ARMCX4: variants seen among roughly 807,000 people sequenced by gnomAD.
ARMCX4 encodes the protein armadillo repeat-containing X-linked protein 4.
ARMCX4 carries 3 observed loss-of-function variants against 34.7 expected under a neutral mutation model. That is an observed-to-expected ratio of 0.09 (90% confidence interval 0.04 to 0.22). ARMCX4 has a LOEUF of 0.22. Among genes scored for constraint, ARMCX4 ranks in the 10% least tolerant of loss-of-function variants. The probability of loss-of-function intolerance (pLI) is 1.00; values close to 1 mark genes in which losing one functional copy is unlikely to be tolerated. For synonymous variants in ARMCX4, 513 were observed against 632.8 expected (o/e 0.81, Z 2.84); for missense variants, 1,448 against 1,720.8 (o/e 0.84, Z 2.81).
intron 7 of ARMCX4, among the ~76,000 whole-genome samples, chrX:101,502,505 G>A (rs1934323758): frequency 2.7e-5 from 3 of 111,725 alleles, no homozygotes; most frequent in African/African-American, 9.7e-5. Flanking sequence ...CTCCCAAAGT[G>A]CTGGGATTAG....
chrX:101,430,205 A>G (rs1929906673), intron 2 of ARMCX4, among the ~76,000 whole-genome samples: 1 of 112,607 alleles, frequency 8.9e-6, no homozygotes, highest in African/African-American at 3.2e-5. Flanking sequence ...AATGTCAACC[A>G]TAACACAGAT....
chrX:101,512,634 G>A (rs782759666), intron 11 of ARMCX4, among the ~76,000 whole-genome samples: 1 of 108,608 alleles, frequency 9.2e-6, no homozygotes, highest in Non-Finnish European at 1.9e-5. Flanking sequence ...CTCCATTTCT[G>A]TTTGTATTTC....
exon 4 of ARMCX4, chrX:101,446,032 TG>T (rs1337221122): frequency 1.8e-5 from 2 of 112,298 alleles, no homozygotes; most frequent in African/African-American, 6.5e-5. Context: ...TCTTCAAATT[TG>T]TGGAAGCTTA....
At chrX:101,436,771 G>T (rs1477043967) in intron 2 of ARMCX4, among the ~76,000 whole-genome samples, 5 of 111,427 alleles carry the variant, frequency 4.5e-5, no homozygotes, top group African/African-American at 1.6e-4. Flanking sequence ...GTATGATATT[G>T]ACTGTGGGTT....
chrX:101,497,753 A>G (rs1244731183), downstream of ARMCX4, among the ~76,000 whole-genome samples: 1 of 111,869 alleles, frequency 8.9e-6, no homozygotes, highest in African/African-American at 3.3e-5. Flanking sequence ...ATTATTTGTA[A>G]AGCAATAAGT....
intron 2 of ARMCX4, among the ~76,000 whole-genome samples, chrX:101,430,146 C>T (rs1722271476): frequency 8.9e-6 from 1 of 112,225 alleles, no homozygotes; most frequent in Non-Finnish European, 1.9e-5. Flanking sequence ...TTTCTTCCTA[C>T]CCCAGACTCT....
intron 4 of ARMCX4, among the ~76,000 whole-genome samples, chrX:101,460,001 A>G (rs1372860115): frequency 1.8e-5 from 2 of 112,707 alleles, no homozygotes; most frequent in Non-Finnish European, 3.7e-5. Flanking sequence ...AGACCCAAAG[A>G]TATGCATTTC....
intron 1 of ARMCX4, among the ~76,000 whole-genome samples, chrX:101,418,568 CAGG>C (rs781992848): frequency 9.8e-5 from 11 of 111,693 alleles, no homozygotes; most frequent in South Asian, 3.7e-4. Flanking sequence ...AGTCGTGCGA[CAGG>C]AGAAGGGAAG....
At chrX:101,511,187 T>C (rs1400061417) in intron 11 of ARMCX4, 5 of 111,413 alleles carry the variant, frequency 4.5e-5, no homozygotes, top group African/African-American at 1.6e-4. Context: ...TTCTTACCAT[T>C]TTTCTGTTCT....
chrX:101,459,183 T>C (rs1932483084), intron 4 of ARMCX4, among the ~76,000 whole-genome samples: 1 of 112,407 alleles, frequency 8.9e-6, no homozygotes, highest in East Asian at 2.8e-4. Context: ...CTTTCCCTTA[T>C]GTTTGTACTT....
chrX:101,428,642 C>A (rs1929778407), intron 2 of ARMCX4, among the ~76,000 whole-genome samples: 1 of 111,275 alleles, frequency 9.0e-6, no homozygotes, highest in Admixed American at 9.6e-5. Context: ...CTTTTTGTAT[C>A]CATTTGAGAG....
intron 11 of ARMCX4, among the ~76,000 whole-genome samples, chrX:101,530,185 A>G (rs1054339292): frequency 6.3e-5 from 7 of 111,871 alleles, no homozygotes; most frequent in African/African-American, 2.3e-4. Flanking sequence ...TCCTTTGTAG[A>G]GACATGGATG....
At chrX:101,522,483 A>G (rs2147716512) in intron 11 of ARMCX4, among the ~76,000 whole-genome samples, 1 of 112,162 alleles carries the variant, frequency 8.9e-6, no homozygotes, top group African/African-American at 3.2e-5. Context: ...ATCCATTTAT[A>G]TTAATGCAAT....
intron 4 of ARMCX4, among the ~76,000 whole-genome samples, chrX:101,466,258 A>G (rs1932789656): frequency 1.8e-5 from 2 of 112,332 alleles, no homozygotes; most frequent in South Asian, 7.3e-4. Context: ...GCATGTCAGA[A>G]TTGGAGCAAC....
intron 4 of ARMCX4, among the ~76,000 whole-genome samples, chrX:101,479,629 C>T (rs193157272): frequency 2.8e-4 from 30 of 108,664 alleles, no homozygotes; most frequent in East Asian, 2.0e-3. Context: ...TACAGGTGTG[C>T]GCCACCACCC....
intron 2 of ARMCX4, among the ~76,000 whole-genome samples, chrX:101,436,987 G>A (rs1603109799): frequency 8.9e-6 from 1 of 111,916 alleles, no homozygotes; most frequent in East Asian, 2.8e-4. Flanking sequence ...GCATCCCAGG[G>A]ATGAAGCCCA....
intron 4 of ARMCX4, among the ~76,000 whole-genome samples, chrX:101,474,982 GAAA>G (rs1224232813): frequency 3.2e-5 from 2 of 63,333 alleles, no homozygotes; most frequent in African/African-American, 1.0e-4. Context: ...GGAGAAGGAA[GAAA>G]AAAAAAAAAA....
chrX:101,488,950 G>T lies in ARMCX4; in HGVS notation c.361G>T (p.Ala121Ser). Residue 121 changes from alanine to serine, a missense_variant, in exon 6 of 6, where the codon GCT becomes TCT. Physicochemically the swap from Ala to Ser is moderately conservative, Grantham distance 99. This residue lies in a region of ARMCX4 where 1,343 missense variants were observed against 1,540.7 expected (regional missense o/e 0.87). Coordinates refer to ENST00000423738, the MANE Select transcript of ARMCX4 (RefSeq NM_001256155.3). Reference protein sequence around the residue: ...PETQSESKVVAGTLVMTEAVT... With the variant: ...PETQSESKVVSGTLVMTEAVT... ...GACTCAATCTGAGTCCAAAGTGGTG[G>T]CTGGAACACTGGTCATGACAGAGGC... The T allele has an allele frequency of 8.6e-7, 1 of 1,156,205 alleles. No individual in the cohort carries two copies. Among genetic ancestry groups the T allele is most frequent in the South Asian group, 1.9e-5 (1 of 52,773 alleles).
At chrX:101,432,844 A>C (rs1247684793) in intron 2 of ARMCX4, among the ~76,000 whole-genome samples, 1 of 99,859 alleles carries the variant, frequency 1.0e-5, no homozygotes, top group African/African-American at 3.6e-5. Flanking sequence ...ATATGTATAC[A>C]TATGTGTATA....
Sources: allele counts gnomAD v4.1 joint callset (sites outside exome capture counted in the v4.1 genomes callset), GRCh38; gene constraint gnomAD v4.1.1; regional missense constraint gnomAD v4.1.1; transcripts MANE v1.5; gene names NCBI Gene and HGNC (gene_info 2026-07-23, HGNC 2026-07-21).